Variants in CDH8 observed in about 807,000 individuals in gnomAD.
CDH8 encodes the protein cadherin-8.
CDH8 carries 17 observed loss-of-function variants against 68.1 expected under a neutral mutation model. The observed-to-expected ratio is 0.25, with a 90% CI of 0.17 to 0.37. The LOEUF (loss-of-function observed/expected upper bound fraction) is 0.37. CDH8 is among the 10% of genes least tolerant of loss of function. CDH8 has a pLI of 1.00. For missense variants in CDH8, 763 were observed against 999.3 expected (o/e 0.76, Z 3.19); for synonymous variants, 372 against 365.1 (o/e 1.02, Z -0.21).
At chr16:61,784,746 C>A (rs1392746432) in intron 8 of CDH8, among the ~76,000 whole-genome samples, 1 of 150,230 alleles carries the variant, frequency 6.7e-6, no homozygotes, top group East Asian at 2.0e-4. Context: ...TCTCTCAGAC[C>A]ACAGTGCAAT....
intron 4 of CDH8, among the ~76,000 whole-genome samples, chr16:61,852,629 T>C (rs1040186913): frequency 1.3e-5 from 2 of 152,072 alleles, no homozygotes; most frequent in African/African-American, 4.8e-5. Flanking sequence ...AACAATCATA[T>C]CTGAGATTAA....
intron 8 of CDH8, among the ~76,000 whole-genome samples, chr16:61,773,209 T>A (rs530846737): frequency 3.4e-4 from 52 of 152,184 alleles, no homozygotes; most frequent in African/African-American, 1.2e-3. Flanking sequence ...ACAATCCTGA[T>A]GAAAACTCCT....
At chr16:61,660,337 C>A (rs193278782) in intron 10 of CDH8, among the ~76,000 whole-genome samples, 1 of 150,866 alleles carries the variant, frequency 6.6e-6, no homozygotes, top group East Asian at 1.9e-4. Context: ...ACTAGAGTGA[C>A]TAAACAGTAG....
chr16:61,811,649 T>A (rs1403898845), intron 7 of CDH8, among the ~76,000 whole-genome samples: 8 of 152,184 alleles, frequency 5.3e-5, no homozygotes, highest in Non-Finnish European at 1.2e-4. Flanking sequence ...ACCTAAACGT[T>A]CATTGATGAA....
intron 7 of CDH8, among the ~76,000 whole-genome samples, chr16:61,811,594 C>T (rs977468172): frequency 6.6e-5 from 10 of 152,088 alleles, no homozygotes; most frequent in African/African-American, 2.4e-4. Context: ...AAGATATTAG[C>T]ACTCCTATGT....
chr16:61,901,924 A>G (rs1056561683), intron 2 of CDH8, among the ~76,000 whole-genome samples: 6 of 152,204 alleles, frequency 3.9e-5, no homozygotes, highest in African/African-American at 1.4e-4. Flanking sequence ...GACACATAAG[A>G]AAACTGATGC....
chr16:61,967,222 A>G (rs1319073121), intron 2 of CDH8, among the ~76,000 whole-genome samples: 1 of 151,896 alleles, frequency 6.6e-6, no homozygotes, highest in Non-Finnish European at 1.5e-5. Context: ...GAGAAGAGGA[A>G]TGGCCATCTT....
chr16:61,749,243 A>T (rs1293326328), intron 8 of CDH8, among the ~76,000 whole-genome samples: 1 of 152,032 alleles, frequency 6.6e-6, no homozygotes, highest in East Asian at 1.9e-4. Context: ...TTTGAGCAAG[A>T]CCAATATGAA....
At chr16:61,811,302 G>T (rs1275127483) in intron 7 of CDH8, among the ~76,000 whole-genome samples, 1 of 152,134 alleles carries the variant, frequency 6.6e-6, no homozygotes, top group Non-Finnish European at 1.5e-5. Context: ...GAATTCGCAG[G>T]TATAGTGAGT....
chr16:61,666,873 TAGA>T (rs1012640400), intron 10 of CDH8, among the ~76,000 whole-genome samples: 1 of 151,966 alleles, frequency 6.6e-6, no homozygotes, highest in Non-Finnish European at 1.5e-5. Flanking sequence ...TTCAGCATAT[TAGA>T]AGGATATATG....
At chr16:61,746,094 G>C (rs1188711481) in intron 8 of CDH8, among the ~76,000 whole-genome samples, 1 of 152,008 alleles carries the variant, frequency 6.6e-6, no homozygotes, top group East Asian at 1.9e-4. Context: ...TATTTGTTTA[G>C]CTTTTCAGCT....
At chr16:61,918,850 A>T (rs1964303881) in intron 2 of CDH8, 1 of 151,022 alleles carries the variant, frequency 6.6e-6, no homozygotes, top group Admixed American at 6.6e-5. Flanking sequence ...TGTAGGCTCC[A>T]CCTCTGGGGG....
At chr16:61,754,065 C>T (rs1567454743) in intron 8 of CDH8, among the ~76,000 whole-genome samples, 2 of 152,126 alleles carry the variant, frequency 1.3e-5, no homozygotes, top group Non-Finnish European at 2.9e-5. Context: ...AAACTTAATA[C>T]TGTCTGAATG....
chr16:61,660,432 GAAT>G, intron 10 of CDH8, among the ~76,000 whole-genome samples: 1 of 151,732 alleles, frequency 6.6e-6, no homozygotes, highest in East Asian at 1.9e-4. Context: ...GAGAAAAAAA[GAAT>G]AAAGAGAAAT....
At chr16:61,862,114 G>GA (rs1963161302) in intron 3 of CDH8, among the ~76,000 whole-genome samples, 1 of 143,036 alleles carries the variant, frequency 7.0e-6, no homozygotes, top group Admixed American at 7.1e-5. Flanking sequence ...CTGCTCAAAA[G>GA]AAAACACACA....
chr16:61,703,699 G>A (rs1270109262), intron 10 of CDH8, among the ~76,000 whole-genome samples: 4 of 152,134 alleles, frequency 2.6e-5, no homozygotes, highest in African/African-American at 9.6e-5. Context: ...AAATTAGCCG[G>A]GCGTGGTGGC....
chr16:61,826,076 C>T (rs377249024), intron 4 of CDH8, among the ~76,000 whole-genome samples: 8 of 151,632 alleles, frequency 5.3e-5, no homozygotes, highest in African/African-American at 1.2e-4. Flanking sequence ...CATTTTGAGG[C>T]GCAAAATTAT....
At chr16:61,861,509 T>C (rs751688659) in intron 3 of CDH8, among the ~76,000 whole-genome samples, 16 of 152,120 alleles carry the variant, frequency 1.1e-4, no homozygotes, top group Non-Finnish European at 2.4e-4. Flanking sequence ...GGTGCTGGAG[T>C]AAGGGGTTGG....
rs144925627 is a variant in CDH8, at chr16:61,713,334, C to A, written c.1654+507G>T. On this transcript the variant is annotated intron_variant, in intron 10 of 11. Transcript: ENST00000577390. ...AGTTCATATTAGCTCCAAAATAATGCTGATAAGCAATGTCCTTCAAAGAGG... is the reference window on the plus strand; with the variant it reads ...AGTTCATATTAGCTCCAAAATAATGATGATAAGCAATGTCCTTCAAAGAGG... Among the ~76,000 whole-genome samples the A allele has an allele frequency of 1.9e-3, 284 of 151,716 alleles. 1 individual carries two copies. The highest frequency in any genetic ancestry group is 6.7e-3 in the African/African-American group (277 of 41,474).
Sources: gnomAD v4.1 joint callset for allele counts (sites outside exome capture counted in the v4.1 genomes callset) on GRCh38, gnomAD v4.1.1 for gene constraint, MANE v1.5 for transcripts, NCBI Gene and HGNC (gene_info 2026-07-23, HGNC 2026-07-21) for gene names.